PIP4K2B: variants seen among roughly 807,000 people sequenced by gnomAD.
PIP4K2B encodes the protein phosphatidylinositol-5-phosphate 4-kinase type 2 beta, also known as phosphatidylinositol 5-phosphate 4-kinase type-2 beta.
A neutral mutation model predicts 42.0 loss-of-function variants in PIP4K2B; 3 were observed. The observed-to-expected ratio is 0.07, with a 90% CI of 0.03 to 0.18. The LOEUF is 0.18. Among genes scored for constraint, PIP4K2B ranks in the 10% least tolerant of loss-of-function variants. The probability of loss-of-function intolerance (pLI) is 1.00; values close to 1 mark genes in which losing one functional copy is unlikely to be tolerated. For synonymous variants in PIP4K2B, 204 were observed against 210.1 expected (o/e 0.97, Z 0.25); for missense variants, 332 against 562.3 (o/e 0.59, Z 4.14).
At chr17:38,773,630 A>G (rs1909163618) in intron 7 of PIP4K2B, among the ~76,000 whole-genome samples, 1 of 152,180 alleles carries the variant, frequency 6.6e-6, no homozygotes, top group Non-Finnish European at 1.5e-5. Flanking sequence ...GTCCTAACAG[A>G]GAACTAGGAG....
At chr17:38,771,546 CAAAAAAAA>C (rs58817119) in intron 7 of PIP4K2B, among the ~76,000 whole-genome samples, 3 of 39,778 alleles carry the variant, frequency 7.5e-5, no homozygotes, top group African/African-American at 2.0e-4. Context: ...GAGATGGTCT[CAAAAAAAA>C]AAAAAAAAAA....
rs542494890 is a variant in PIP4K2B, at chr17:38,784,398, A to G, written c.258-59T>C. 73 of 909,112 alleles carry G rather than the reference A, an allele frequency of 8.0e-5. 3 individuals carry two copies. The South Asian group carries it at 1.1e-3, about 14-fold the overall frequency. The allele number at this position is 909,112 out of a possible 1,614,324, so 56.3% of individuals were successfully genotyped here. A position where few individuals can be genotyped will look rare whatever the true frequency, so the allele number is the denominator to read the frequency against. On this transcript the variant is annotated intron_variant, in intron 2 of 9. Coordinates refer to ENST00000619039, the MANE Select transcript of PIP4K2B (RefSeq NM_003559.5). ...GCCCCTTGCTCATCTTAATTCTATTATTATTATTATTTTTTGTAATAGAGA... is the reference window on the plus strand; with the variant it reads ...GCCCCTTGCTCATCTTAATTCTATTGTTATTATTATTTTTTGTAATAGAGA...
rs555794066 is a variant in PIP4K2B, at chr17:38,783,051, C to T, written c.354+1192G>A. ...AAAAAAAGAAATGCAAAAAATTAGC[C>T]GGGTGTGGTGGTGGGCGCCTGTAAT... On this transcript the variant is annotated intron_variant, in intron 3 of 9. Transcript: ENST00000619039. Among the ~76,000 whole-genome samples, 82 of 151,562 alleles carry T rather than the reference C, an allele frequency of 5.4e-4. 1 individual carries two copies. The highest frequency in any genetic ancestry group is 1.9e-3 in the African/African-American group (77 of 41,292).
At chr17:38,771,453 A>G (rs1909037111) in intron 7 of PIP4K2B, among the ~76,000 whole-genome samples, 181 bp from the exon 8 acceptor site, 1 of 150,682 alleles carries the variant, frequency 6.6e-6, no homozygotes, top group African/African-American at 2.4e-5. Flanking sequence ...TGGGGAAGAC[A>G]GTCATTCAGC....
In PIP4K2B at chr17:38,799,537, A is replaced by T. The variant is rs1252616907; in HGVS notation, c.-113T>A. ...CCCACCCCCGCTCCCTCACCGCGCC[A>T]TGGTCGCGCCCGTCCCGTTACCTCC... On this transcript the variant is annotated 5_prime_UTR_variant, in exon 1 of 10. An upstream start codon of the reference 5' UTR is lost. Coordinates refer to ENST00000619039, the MANE Select transcript of PIP4K2B (RefSeq NM_003559.5). This position sits in a 1 kb window ranked among gnomAD's most constrained non-coding sequence, Gnocchi z 4.4. The T allele has an allele frequency of 2.3e-5, 29 of 1,244,576 alleles. No homozygotes were observed. The highest frequency in any genetic ancestry group is 2.2e-5 in the Non-Finnish European group (22 of 992,712). The allele number at this position is 1,244,576 out of a possible 1,614,324, so 77.1% of individuals were successfully genotyped here. A position where few individuals can be genotyped will look rare whatever the true frequency, so the allele number is the denominator to read the frequency against.
Position 38,769,898 on chromosome 17 carries a change from C to A in PIP4K2B, c.1171-127G>T, listed in dbSNP as rs928654968. 5.0e-6 allele frequency: 4 copies of A among 806,620 alleles called. No individual in the cohort carries two copies. The African/African-American group carries it at 5.1e-5, about 10-fold the overall frequency. 50.0% of individuals were successfully genotyped at this position (806,620 alleles called of 1,614,324 possible). On this transcript the variant is annotated intron_variant, in intron 9 of 9. Transcript: ENST00000619039. ...CAGAGCTGAATACCACCCCCAACCC[C>A]ACCAAGACTGAGCAGACCACCTCAG...
intron 1 of PIP4K2B, among the ~76,000 whole-genome samples, chr17:38,789,131 T>G (rs556584518): frequency 6.6e-6 from 1 of 151,804 alleles, no homozygotes; most frequent in African/African-American, 2.4e-5. Flanking sequence ...AAAAAGAAAA[T>G]AAAATAAAGC....
chr17:38,775,813 G>C (rs1323915581), intron 7 of PIP4K2B, among the ~76,000 whole-genome samples: 4 of 151,740 alleles, frequency 2.6e-5, no homozygotes, highest in African/African-American at 9.7e-5. Flanking sequence ...AGCCGAGATC[G>C]CACCACTGCA....
Position 38,799,192 on chromosome 17 carries a change from G to T in PIP4K2B, c.159+74C>A. On this transcript the variant is annotated intron_variant, in intron 1 of 9. Coordinates refer to ENST00000619039, the MANE Select transcript of PIP4K2B (RefSeq NM_003559.5). The surrounding 1 kb of genome is among the most constrained non-coding windows in gnomAD (Gnocchi z 4.4). ...AGGCGTCACCGGCAGGGCCTGCGGG[G>T]CAAGGGCCCAGGGCTGCAGGGGGCG... 1.4e-6 allele frequency: 2 copies of T among 1,431,488 alleles called. No homozygotes were observed. Among genetic ancestry groups the T allele is most frequent in the Non-Finnish European group, 9.2e-7 (1 of 1,090,334 alleles). 88.7% of individuals were successfully genotyped at this position (1,431,488 alleles called of 1,614,324 possible).
intron 2 of PIP4K2B, among the ~76,000 whole-genome samples, chr17:38,786,326 C>A (rs1275399195): frequency 6.6e-6 from 1 of 152,212 alleles, no homozygotes; most frequent in Non-Finnish European, 1.5e-5. Flanking sequence ...TGGTGCTAAT[C>A]CAAGAAGCGA....
intron 7 of PIP4K2B, 105 bp from the exon 8 acceptor site, chr17:38,771,377 CA>C: frequency 7.5e-7 from 1 of 1,335,224 alleles, no homozygotes; most frequent in Non-Finnish European, 1.0e-6. Context: ...CTCAATTCTA[CA>C]AACAGTTTTG....
In PIP4K2B at chr17:38,769,638, C is replaced by G. The variant is rs569963025; in HGVS notation, c.*53G>C. On this transcript the variant is annotated 3_prime_UTR_variant, in exon 10 of 10. Transcript: ENST00000619039. Reference sequence around the variant, plus strand: ...CAAATACACCCTTCTCCCTAACTCCCGATCCCCGACCCCATATCCAGCTCT... The same window carrying G: ...CAAATACACCCTTCTCCCTAACTCCGGATCCCCGACCCCATATCCAGCTCT... The G allele has an allele frequency of 1.8e-6, 2 of 1,094,934 alleles. No homozygotes were observed. Among genetic ancestry groups the G allele is most frequent in the Non-Finnish European group, 1.4e-6 (1 of 705,574 alleles). 67.8% of individuals were successfully genotyped at this position (1,094,934 alleles called of 1,614,324 possible).
rs1908765521 is a variant in PIP4K2B at position 38,767,520 on chromosome 17, C to G, written c.*2171G>C. 2 of 152,280 alleles carry G rather than the reference C, an allele frequency of 1.3e-5. No homozygotes were observed. The highest frequency in any genetic ancestry group is 4.1e-4 in the South Asian group (2 of 4,824). The allele number at this position is 152,280 out of a possible 1,614,324, so 9.4% of individuals were successfully genotyped here. A position where few individuals can be genotyped will look rare whatever the true frequency, so the allele number is the denominator to read the frequency against. On this transcript the variant is annotated 3_prime_UTR_variant, in exon 10 of 10. Coordinates refer to ENST00000619039, the MANE Select transcript of PIP4K2B (RefSeq NM_003559.5). Reference sequence around the variant, plus strand: ...AAATGTAAACAATATACAAAACACACAAACATACACACACACACACAAACT... The same window carrying G: ...AAATGTAAACAATATACAAAACACAGAAACATACACACACACACACAAACT...
At chr17:38,797,940 C>T (rs537295525) in intron 1 of PIP4K2B, among the ~76,000 whole-genome samples, 5 of 152,268 alleles carry the variant, frequency 3.3e-5, no homozygotes. Flanking sequence ...TCACTAACAC[C>T]AGTGATGACA....
At chr17:38,776,249 C>A (rs997279551) in intron 7 of PIP4K2B, among the ~76,000 whole-genome samples, 1 of 152,076 alleles carries the variant, frequency 6.6e-6, no homozygotes, top group African/African-American at 2.4e-5. Flanking sequence ...GGATTACAGG[C>A]ATGAGCCACC....
At chr17:38,788,435 C>G (rs749264246) in intron 1 of PIP4K2B, among the ~76,000 whole-genome samples, 1 of 151,740 alleles carries the variant, frequency 6.6e-6, no homozygotes, top group Non-Finnish European at 1.5e-5. Context: ...CTCCTGAGCT[C>G]GTGATCCACC....
intron 7 of PIP4K2B, among the ~76,000 whole-genome samples, chr17:38,772,450 G>A (rs1909099834): frequency 6.6e-6 from 1 of 152,194 alleles, no homozygotes; most frequent in Non-Finnish European, 1.5e-5. Context: ...GCTGTCCGTA[G>A]CTGTCTTGGT....
Position 38,784,355 on chromosome 17 carries a change from G to A in PIP4K2B, c.258-16C>T. The A allele has an allele frequency of 6.7e-7, 1 of 1,485,626 alleles. No homozygotes were observed. The highest frequency in any genetic ancestry group is 1.1e-5 in the South Asian group (1 of 88,368). The allele number at this position is 1,485,626 out of a possible 1,614,324, so 92.0% of individuals were successfully genotyped here. ...CAGGTTCTCCCTAGGGAAAAGCAGA[G>A]ATATGTCTTTGTGAACTGCCCCTTG... is the stretch of plus-strand genomic sequence containing the variant. On this transcript the variant is annotated splice_polypyrimidine_tract_variant and intron_variant, in intron 2 of 9. Coordinates refer to ENST00000619039, the MANE Select transcript of PIP4K2B (RefSeq NM_003559.5).
At position 38,767,209 on chromosome 17, in the gene PIP4K2B, A is replaced by T. The variant is rs1908751086; in HGVS notation, c.*2482T>A. ...CAAGGAGGAAAGAGTGGGGGCAGAC[A>T]ACGCTTGGGGGATCAGTCCACTTTC... is the stretch of plus-strand genomic sequence containing the variant. On this transcript the variant is annotated 3_prime_UTR_variant, in exon 10 of 10. Transcript: ENST00000619039. 6.6e-6 allele frequency: 1 copy of T among 152,196 alleles called. No homozygotes were observed. Among genetic ancestry groups the T allele is most frequent in the South Asian group, 2.1e-4 (1 of 4,824 alleles). The allele number at this position is 152,196 out of a possible 1,614,324, so 9.4% of individuals were successfully genotyped here. A position where few individuals can be genotyped will look rare whatever the true frequency, so the allele number is the denominator to read the frequency against.
Sources: allele counts gnomAD v4.1 joint callset (sites outside exome capture counted in the v4.1 genomes callset), GRCh38; gene constraint gnomAD v4.1.1; non-coding constraint Gnocchi (gnomAD v3.1); transcripts MANE v1.5; gene names NCBI Gene and HGNC (gene_info 2026-07-23, HGNC 2026-07-21).